Variants in ZMYM4 observed in about 807,000 individuals in gnomAD.
The protein encoded by ZMYM4 is zinc finger MYM-type protein 4.
A neutral mutation model predicts 183.2 loss-of-function variants in ZMYM4; 31 were observed. That is an observed-to-expected ratio of 0.17 (90% confidence interval 0.13 to 0.23). The LOEUF (loss-of-function observed/expected upper bound fraction) is 0.23, where lower values mean the gene tolerates loss of function less well. Among genes scored for constraint, ZMYM4 ranks in the 10% least tolerant of loss-of-function variants. ZMYM4 has a pLI of 1.00. For synonymous variants in ZMYM4, 592 were observed against 631.2 expected (o/e 0.94, Z 0.93); for missense variants, 1,273 against 1,840.3 (o/e 0.69, Z 5.64).
chr1:35,316,631 A>G (rs141938885), intron 1 of ZMYM4, among the ~76,000 whole-genome samples: 342 of 152,318 alleles, frequency 2.2e-3, no homozygotes, highest in African/African-American at 7.9e-3. Context: ...TTGTCTCCCA[A>G]TTATAAACTT....
intron 1 of ZMYM4, among the ~76,000 whole-genome samples, chr1:35,292,915 C>T (rs1052311738): frequency 2.0e-5 from 3 of 152,152 alleles, no homozygotes; most frequent in African/African-American, 7.2e-5. Flanking sequence ...CTATTCTAGA[C>T]CTTCTGAAGT....
rs139535337 is a variant in ZMYM4, at chr1:35,389,781, ATGTGTGTGTGTG to A, written c.2437-151_2437-140del. On this transcript the variant is annotated intron_variant, in intron 14 of 29. Transcript: ENST00000314607. The surrounding 1 kb of genome is among the most constrained non-coding windows in gnomAD (Gnocchi z 4.0). ...AAAAAAAAAAAAAATATATATATATATGTGTGTGTGTGTGTGTGTGTGTGTGTATAATCATTG... is the reference window on the plus strand; with the variant it reads ...AAAAAAAAAAAAAATATATATATATATGTGTGTGTGTGTGTATAATCATTG... Among the ~76,000 whole-genome samples, 20 of 141,426 alleles carry A rather than the reference ATGTGTGTGTGTG, an allele frequency of 1.4e-4. No individual in the cohort carries two copies. Among genetic ancestry groups the A allele is most frequent in the Non-Finnish European group, 7.7e-5 (5 of 65,078 alleles). 92.8% of individuals were successfully genotyped at this position (141,426 alleles called of 152,430 possible). A position where few individuals can be genotyped will look rare whatever the true frequency, so the allele number is the denominator to read the frequency against.
chr1:35,290,785 ACTAAG>A (rs1640724097), intron 1 of ZMYM4, among the ~76,000 whole-genome samples: 1 of 152,188 alleles, frequency 6.6e-6, no homozygotes, highest in South Asian at 2.1e-4. Flanking sequence ...CTCTGAATAT[ACTAAG>A]CACAATTGAA....
chr1:35,297,943 G>A (rs1345742319), intron 1 of ZMYM4, among the ~76,000 whole-genome samples: 1 of 152,216 alleles, frequency 6.6e-6, no homozygotes, highest in African/African-American at 2.4e-5. Context: ...TTAACATAAA[G>A]AATTATTTAC....
At chr1:35,372,418 A>G (rs1644233502) in intron 7 of ZMYM4, among the ~76,000 whole-genome samples, 1 of 152,206 alleles carries the variant, frequency 6.6e-6, no homozygotes, top group Admixed American at 6.5e-5. Context: ...AAAGGATACA[A>G]AATTTTTTAG....
chr1:35,375,242 A>G (rs1409556835), intron 7 of ZMYM4, among the ~76,000 whole-genome samples: 1 of 151,876 alleles, frequency 6.6e-6, no homozygotes, highest in Non-Finnish European at 1.5e-5. Context: ...ATTCCATTTT[A>G]CTTTCTGAAC....
In ZMYM4 at chr1:35,385,502, A is replaced by T; in HGVS notation, c.1630A>T (p.Ile544Phe). Residue 544 changes from isoleucine to phenylalanine, a missense_variant, in exon 10 of 30, where the codon ATT becomes TTT. Coordinates refer to ENST00000314607, the MANE Select transcript of ZMYM4 (RefSeq NM_005095.3). ...ATCATTGAGATCCTCAGCAGAAATG[A>T]TTGAAAATACCAATAGCTTGGGGAA... Reference protein sequence around the residue: ...CKSLRSSAEMIENTNSLGKTE... With the variant: ...CKSLRSSAEMFENTNSLGKTE... The T allele has an allele frequency of 6.2e-7, 1 of 1,613,682 alleles. No individual in the cohort carries two copies. Among genetic ancestry groups the T allele is most frequent in the Non-Finnish European group, 8.5e-7 (1 of 1,179,880 alleles).
intron 1 of ZMYM4, among the ~76,000 whole-genome samples, chr1:35,274,803 C>T (rs1014014288): frequency 5.9e-5 from 9 of 151,848 alleles, no homozygotes; most frequent in African/African-American, 2.2e-4. Context: ...ATTTTTCAAC[C>T]ACAATTATTG....
At chr1:35,288,238 G>A (rs1043770525) in intron 1 of ZMYM4, among the ~76,000 whole-genome samples, 3 of 151,838 alleles carry the variant, frequency 2.0e-5, no homozygotes, top group African/African-American at 4.8e-5. Flanking sequence ...TCTTCTTTTC[G>A]CACTCCCTTC....
At chr1:35,411,968 C>T (rs771040792) in intron 26 of ZMYM4, among the ~76,000 whole-genome samples, 32 of 152,042 alleles carry the variant, frequency 2.1e-4, no homozygotes, top group Admixed American at 4.6e-4. Context: ...CTGCAAGCTC[C>T]GCCTCCTGGG....
intron 1 of ZMYM4, among the ~76,000 whole-genome samples, chr1:35,289,924 T>G (rs1640678507): frequency 6.6e-6 from 1 of 152,160 alleles, no homozygotes; most frequent in Non-Finnish European, 1.5e-5. Flanking sequence ...TGACAATATA[T>G]CATAGTGATT....
intron 18 of ZMYM4, among the ~76,000 whole-genome samples, chr1:35,395,693 T>C (rs1395452189): frequency 6.6e-6 from 1 of 152,226 alleles, no homozygotes; most frequent in East Asian, 1.9e-4. Context: ...GGGCCTAGGC[T>C]ATTTTAAACA....
In ZMYM4 at chr1:35,419,771, TCTTGA is replaced by T. The variant is rs1007410319; in HGVS notation, c.*101_*105del. 64 of 1,261,312 alleles carry T rather than the reference TCTTGA, an allele frequency of 5.1e-5. No homozygotes were observed. The African/African-American group carries it at 8.5e-4, about 17-fold the overall frequency. The allele number at this position is 1,261,312 out of a possible 1,614,324, so 78.1% of individuals were successfully genotyped here. The stretch of plus-strand genomic sequence containing the variant: ...GAAAATGATGTATAAGTCTAAGTCC[TCTTGA>T]CTTGACCATAAGATCATGGAAAACA... On this transcript the variant is annotated 3_prime_UTR_variant, in exon 30 of 30. Transcript: ENST00000314607.
intron 2 of ZMYM4, among the ~76,000 whole-genome samples, chr1:35,349,830 TAA>T (rs80243856): frequency 3.4e-4 from 43 of 128,312 alleles, no homozygotes; most frequent in Admixed American, 4.8e-4. Context: ...ACTCTGTCTT[TAA>T]AAAAAAAAAA....
intron 1 of ZMYM4, among the ~76,000 whole-genome samples, chr1:35,277,386 A>G (rs1182213349): frequency 6.6e-6 from 1 of 152,194 alleles, no homozygotes; most frequent in Non-Finnish European, 1.5e-5. Flanking sequence ...GGGTGCTATA[A>G]TGATTACACA....
At position 35,347,265 on chromosome 1, in the gene ZMYM4, C is replaced by T. The variant is rs193051144; in HGVS notation, c.86-11660C>T. 4.5e-4 allele frequency among the ~76,000 whole-genome samples: 68 copies of T among 152,330 alleles called. No individual in the cohort carries two copies. The East Asian group carries it at 0.012, about 28-fold the overall frequency. On this transcript the variant is annotated intron_variant, in intron 2 of 29. Coordinates refer to ENST00000314607, the MANE Select transcript of ZMYM4 (RefSeq NM_005095.3). The stretch of plus-strand genomic sequence containing the variant: ...CAGGTGATCCACCGGCCTCGGCCTC[C>T]CAAAGTGCTGGGATTACAGGCGTGA...
chr1:35,287,704 C>T (rs1640572151), intron 1 of ZMYM4, among the ~76,000 whole-genome samples: 1 of 152,098 alleles, frequency 6.6e-6, no homozygotes, highest in Non-Finnish European at 1.5e-5. Flanking sequence ...CTCCCGGGTT[C>T]AAGCGATTCT....
intron 1 of ZMYM4, among the ~76,000 whole-genome samples, chr1:35,324,829 C>CT (rs547549581): frequency 2.4e-3 from 364 of 152,276 alleles, no homozygotes; most frequent in Non-Finnish European, 3.9e-3. Flanking sequence ...TCTTTTCCCT[C>CT]TGTGTTTAAA....
chr1:35,378,178 C>T (rs1008072235), intron 7 of ZMYM4, among the ~76,000 whole-genome samples: 1 of 152,256 alleles, frequency 6.6e-6, no homozygotes, highest in East Asian at 1.9e-4. Context: ...ACTATTTCTC[C>T]CACATTTGTA....
Sources: gnomAD v4.1 joint callset for allele counts (sites outside exome capture counted in the v4.1 genomes callset) on GRCh38, gnomAD v4.1.1 for gene constraint, Gnocchi (gnomAD v3.1) non-coding constraint, MANE v1.5 for transcripts, NCBI Gene and HGNC (gene_info 2026-07-23, HGNC 2026-07-21) for gene names.